Variants in CRIP1 observed in about 807,000 individuals in gnomAD.
CRIP1 encodes the protein cysteine-rich protein 1.
A neutral mutation model predicts 12.9 loss-of-function variants in CRIP1; 11 were observed. That is an observed-to-expected ratio of 0.86 (90% CI 0.54 to 1.42). The LOEUF is 1.42. CRIP1 is among the 40% of genes most tolerant of loss of function. CRIP1 has a pLI of 0.00. For synonymous variants in CRIP1, 41 were observed against 37.2 expected, an observed-to-expected ratio of 1.10 and a Z score of -0.37; for missense variants, 122 against 101.3, an observed-to-expected ratio of 1.20 and a Z score of -0.88.
At chr14:105,487,015 G>A (rs2084127070) in intron 1 of CRIP1, 43 bp downstream of exon 1, 5 of 1,332,262 alleles carry the variant, frequency 3.8e-6, no homozygotes, top group Non-Finnish European at 4.8e-6. Context: ...TCCGTCCTCA[G>A]TCAGGCCCGG....
At position 105,488,209 on chromosome 14, in the gene CRIP1, C is replaced by G. The variant is rs782593492; in HGVS notation, c.84C>G (p.Cys28Trp). ...TSLGKDWHRP[C>W]LKCEKCGKTL... ...TGGGCAAGGACTGGCATCGGCCCTGCCTGAAGTGCGAGAAATGTGGGAAGA... is the reference window on the plus strand; with the variant it reads ...TGGGCAAGGACTGGCATCGGCCCTGGCTGAAGTGCGAGAAATGTGGGAAGA... The change falls in exon 3 of 6, where the codon TGC becomes TGG. Residue 28 changes from cysteine to tryptophan, a missense_variant. By Grantham distance (215) the Cys-to-Trp change is radical. Coordinates refer to ENST00000392531, the MANE Select transcript of CRIP1 (RefSeq NM_001311.5). 1.2e-6 allele frequency: 2 copies of G among 1,613,302 alleles called. No individual in the cohort carries two copies. Among genetic ancestry groups the G allele is most frequent in the South Asian group, 2.2e-5 (2 of 91,080 alleles).
At position 105,488,279 on chromosome 14, in the gene CRIP1, G is replaced by A. The variant is rs1555438472; in HGVS notation, c.135+19G>A. On this transcript the variant is annotated intron_variant, in intron 3 of 5. Transcript: ENST00000392531. ...CGCTGAGGTAGGTGGGACCCACCCT[G>A]GTGGCAGGGGCCAGGGGTGATGGCA... 1 of 1,613,426 alleles carries A rather than the reference G, an allele frequency of 6.2e-7. No individual in the cohort carries two copies. The highest frequency in any genetic ancestry group is 1.7e-5 in the Admixed American group (1 of 60,028).
intron 2 of CRIP1, chr14:105,487,560 G>A: frequency 2.3e-6 from 1 of 441,148 alleles, no homozygotes; most frequent in Admixed American, 4.4e-5. Context: ...TGGGTCCTAC[G>A]GTCTCTGCCG....
Position 105,487,288 on chromosome 14 carries a change from A to T in CRIP1, c.29A>T (p.Glu10Val). The change falls in exon 2 of 6, where the codon GAG (glutamate) becomes GTG (valine). Residue 10 changes from glutamate to valine, a missense_variant. Glu to Val is a moderately radical substitution (Grantham distance 121). Transcript: ENST00000392531. The part of the protein sequence containing the change: MPKCPKCNK[E>V]VYFAERVTSL... ...CCCAAGTGTCCCAAGTGCAACAAGG[A>T]GGTGTACTTCGGTGAGCGCGCCCAC... The T allele has an allele frequency of 6.5e-7, 1 of 1,543,912 alleles. No individual in the cohort carries two copies. The highest frequency in any genetic ancestry group is 1.2e-5 in the South Asian group (1 of 83,376).
chr14:105,488,197 G>A lies in CRIP1; in HGVS notation c.72G>A (p.Trp24Ter), dbSNP rs1158615252. The change falls in exon 3 of 6, where the codon TGG becomes TGA. Residue 24 changes from tryptophan to a stop codon, truncating the protein, a stop_gained. Coordinates refer to ENST00000392531, the MANE Select transcript of CRIP1 (RefSeq NM_001311.5). LOFTEE classifies it high-confidence loss of function. ...GGGTGACCTCTCTGGGCAAGGACTGGCATCGGCCCTGCCTGAAGTGCGAGA... is the reference window on the plus strand; with the variant it reads ...GGGTGACCTCTCTGGGCAAGGACTGACATCGGCCCTGCCTGAAGTGCGAGA... ...AERVTSLGKDWHRPCLKCEKC... is the reference protein window; with the variant it reads ...AERVTSLGKD 1.9e-6 allele frequency: 3 copies of A among 1,613,048 alleles called. No individual in the cohort carries two copies. Among genetic ancestry groups the A allele is most frequent in the Non-Finnish European group, 2.5e-6 (3 of 1,180,028 alleles).
In CRIP1 at chr14:105,488,403, T is replaced by TGGGC; in HGVS notation, c.193+15_193+16insGGGC. 1.1e-5 allele frequency: 17 copies of TGGGC among 1,580,328 alleles called. No individual in the cohort carries two copies. The highest frequency in any genetic ancestry group is 2.2e-5 in the East Asian group (1 of 44,470). ...TGGGCCTAAAGGTATGCTCCCGTCA[T>TGGGC]CCCCACCCCACCCCACCCCACAGCC... is the stretch of plus-strand genomic sequence containing the variant. On this transcript the variant is annotated intron_variant, in intron 4 of 5. Coordinates refer to ENST00000392531, the MANE Select transcript of CRIP1 (RefSeq NM_001311.5).
At chr14:105,487,491 C>A (rs2084132202) in intron 2 of CRIP1, 192 bp downstream of exon 2, 2 of 557,330 alleles carry the variant, frequency 3.6e-6, no homozygotes, top group Admixed American at 3.7e-5. Context: ...GCGATCTCTG[C>A]CTGCTAGTGG....
At position 105,487,203 on chromosome 14, in the gene CRIP1, G is replaced by A; in HGVS notation, c.-57G>A. 6.5e-7 allele frequency: 1 copy of A among 1,536,100 alleles called. No individual in the cohort carries two copies. Among genetic ancestry groups the A allele is most frequent in the Non-Finnish European group, 8.8e-7 (1 of 1,141,400 alleles). On this transcript the variant is annotated 5_prime_UTR_variant, in exon 2 of 6. Transcript: ENST00000392531. ...GACCAGGCCGGATCCACCCAGTCTC[G>A]CGCCTGCAGCCCGTGCCGCCCCAGC...
At chr14:105,487,689 T>A in intron 2 of CRIP1, 1 of 182,552 alleles carries the variant, frequency 5.5e-6, no homozygotes, top group East Asian at 1.4e-4. Context: ...CGGGGCGCGA[T>A]CCCGGGCGCC....
At position 105,488,478 on chromosome 14, in the gene CRIP1, G is replaced by C; in HGVS notation, c.201G>C (p.Gly67=). The change falls in exon 5 of 6, where the codon GGG becomes GGC. Residue 67 remains glycine, a synonymous_variant. Coordinates refer to ENST00000392531, the MANE Select transcript of CRIP1 (RefSeq NM_001311.5). The part of the protein sequence containing the change: ...YAAMFGPKGF[G]RGGAESHTFK The stretch of plus-strand genomic sequence containing the variant: ...TTTCCACCTTCTCTGCAGGCTTTGG[G>C]CGGGGCGGAGCCGAGAGCCACACTT... 1 of 1,607,484 alleles carries C rather than the reference G, an allele frequency of 6.2e-7. No individual in the cohort carries two copies. Among genetic ancestry groups the C allele is most frequent in the South Asian group, 1.1e-5 (1 of 90,840 alleles).
intron 2 of CRIP1, 42 bp downstream of exon 2, chr14:105,487,341 CGGGGCGA>C: frequency 6.6e-7 from 1 of 1,516,474 alleles, no homozygotes; most frequent in Non-Finnish European, 8.9e-7. Flanking sequence ...GCGCCGCCGA[CGGGGCGA>C]CGAGGCTGGG....
chr14:105,488,805 G>T lies in CRIP1; in HGVS notation c.*148G>T. Reference sequence around the variant, plus strand: ...ACTTGGAAAACCTGTGTGTGTACATGCGCGTGTGTGCTGGGGAGTGCCAAG... The same window carrying T: ...ACTTGGAAAACCTGTGTGTGTACATTCGCGTGTGTGCTGGGGAGTGCCAAG... On this transcript the variant is annotated 3_prime_UTR_variant, in exon 6 of 6. Coordinates refer to ENST00000392531, the MANE Select transcript of CRIP1 (RefSeq NM_001311.5). 1 of 501,444 alleles carries T rather than the reference G, an allele frequency of 2.0e-6. No individual in the cohort carries two copies. Among genetic ancestry groups the T allele is most frequent in the Non-Finnish European group, 3.6e-6 (1 of 279,332 alleles). 31.1% of individuals were successfully genotyped at this position (501,444 alleles called of 1,614,324 possible). A position where few individuals can be genotyped will look rare whatever the true frequency, so the allele number is the denominator to read the frequency against.
In CRIP1 at chr14:105,488,651, C is replaced by G. The variant is rs1166252812; in HGVS notation, c.*6-12C>G. ...GCTGCACTCACGTCTGTGCCTGTCT[C>G]TCTCTGCACAGGTGGTGGAGACCCC... On this transcript the variant is annotated splice_polypyrimidine_tract_variant and intron_variant, in intron 5 of 5. Transcript: ENST00000392531. 3.2e-6 allele frequency: 3 copies of G among 924,486 alleles called. No individual in the cohort carries two copies. Among genetic ancestry groups the G allele is most frequent in the Non-Finnish European group, 5.0e-6 (3 of 601,156 alleles). 57.3% of individuals were successfully genotyped at this position (924,486 alleles called of 1,614,324 possible). A position where few individuals can be genotyped will look rare whatever the true frequency, so the allele number is the denominator to read the frequency against.
In CRIP1 at chr14:105,488,172, G is replaced by C. The variant is rs782740273; in HGVS notation, c.47G>C (p.Arg16Thr). The C allele has an allele frequency of 2.2e-5, 35 of 1,612,606 alleles. No individual in the cohort carries two copies. The South Asian group carries it at 3.4e-4, about 16-fold the overall frequency. Residue 16 changes from arginine (R) to threonine (T), a missense_variant, in exon 3 of 6, where the codon AGG (arginine) becomes ACG (threonine). By Grantham distance (71) the Arg-to-Thr change is moderately conservative. Coordinates refer to ENST00000392531, the MANE Select transcript of CRIP1 (RefSeq NM_001311.5). Reference sequence around the variant, plus strand: ...CCTGTCTGTGCCTCTGCAGCCGAGAGGGTGACCTCTCTGGGCAAGGACTGG... The same window carrying C: ...CCTGTCTGTGCCTCTGCAGCCGAGACGGTGACCTCTCTGGGCAAGGACTGG... ...KCNKEVYFAE[R>T]VTSLGKDWHR...
chr14:105,487,562 T>A (rs117719918), intron 2 of CRIP1: 9,237 of 434,106 alleles, frequency 0.021, 138 homozygotes, highest in Non-Finnish European at 0.029. Context: ...GGTCCTACGG[T>A]CTCTGCCGTT....
In CRIP1 at chr14:105,487,236, G is replaced by T. The variant is rs1272379179; in HGVS notation, c.-24G>T. On this transcript the variant is annotated 5_prime_UTR_variant, in exon 2 of 6. Transcript: ENST00000392531. The stretch of plus-strand genomic sequence containing the variant: ...AGCCCGTGCCGCCCCAGCCGCTGCC[G>T]CCTGCACCGGACCCGGAGCCGTCAT... The T allele has an allele frequency of 1.9e-6, 3 of 1,543,350 alleles. No individual in the cohort carries two copies. The highest frequency in any genetic ancestry group is 2.1e-4 in the Middle Eastern group (1 of 4,714).
Position 105,488,398 on chromosome 14 carries a change from C to G in CRIP1, c.193+10C>G, listed in dbSNP as rs1181364384. On this transcript the variant is annotated intron_variant, in intron 4 of 5. Coordinates refer to ENST00000392531, the MANE Select transcript of CRIP1 (RefSeq NM_001311.5). Reference sequence around the variant, plus strand: ...ATGTTTGGGCCTAAAGGTATGCTCCCGTCATCCCCACCCCACCCCACCCCA... The same window carrying G: ...ATGTTTGGGCCTAAAGGTATGCTCCGGTCATCCCCACCCCACCCCACCCCA... The G allele has an allele frequency of 6.8e-6, 11 of 1,609,964 alleles. No homozygotes were observed. Among genetic ancestry groups the G allele is most frequent in the African/African-American group, 2.7e-5 (2 of 74,706 alleles).
chr14:105,488,496 C>G lies in CRIP1; in HGVS notation c.219C>G (p.Ser73Arg). ...GCTTTGGGCGGGGCGGAGCCGAGAG[C>G]CACACTTTCAAGTAAACCAGGTAGG... ...PKGFGRGGAE[S>R]HTFK is the part of the protein sequence containing the mutation. Residue 73 changes from serine to arginine, a missense_variant, in exon 5 of 6, where the codon AGC becomes AGG. Coordinates refer to ENST00000392531, the MANE Select transcript of CRIP1 (RefSeq NM_001311.5). 6.2e-7 allele frequency: 1 copy of G among 1,601,946 alleles called. No individual in the cohort carries two copies. The highest frequency in any genetic ancestry group is 8.5e-7 in the Non-Finnish European group (1 of 1,174,676).
intron 2 of CRIP1, chr14:105,487,658 A>C: frequency 8.9e-6 from 2 of 224,430 alleles, no homozygotes; most frequent in Non-Finnish European, 1.7e-5. Flanking sequence ...CTAAGTGGAA[A>C]CAGACGCGGA....
Sources: gnomAD v4.1 joint callset for allele counts on GRCh38, gnomAD v4.1.1 for gene constraint, MANE v1.5 for transcripts, NCBI Gene and HGNC (gene_info 2026-07-23, HGNC 2026-07-21) for gene names.